PUDP: variants seen among roughly 807,000 people sequenced by gnomAD.
PUDP encodes pseudouridine-5'-phosphatase.
In PUDP, 8 loss-of-function variants were observed where a neutral mutation model predicts 9.4. The observed-to-expected ratio is 0.85, with a 90% CI of 0.50 to 1.53. The LOEUF is 1.53. Among genes scored for constraint, PUDP ranks in the 40% most tolerant of loss-of-function variants. The pLI is 0.00. For synonymous variants in PUDP, 99 were observed against 80.7 expected (o/e 1.23, Z -1.22); for missense variants, 188 against 189.7 (o/e 0.99, Z 0.05).
chrX:6,719,795 A>G (rs1317037114), intron 1 of PUDP, among the ~76,000 whole-genome samples: 1 of 112,135 alleles, frequency 8.9e-6, no homozygotes, highest in African/African-American at 3.2e-5. Flanking sequence ...AATTTTCTCA[A>G]TTAATATTCT....
intron 3 of PUDP, among the ~76,000 whole-genome samples, chrX:6,926,142 G>A (rs1046769196): frequency 5.4e-5 from 6 of 111,675 alleles, no homozygotes; most frequent in Non-Finnish European, 9.4e-5. Context: ...CATTCAGTTG[G>A]TGGGGGACTT....
chrX:7,058,231 T>C (rs955750430), intron 3 of PUDP, among the ~76,000 whole-genome samples: 8 of 112,370 alleles, frequency 7.1e-5, no homozygotes, highest in African/African-American at 1.3e-4. Context: ...ATGTGCTTCA[T>C]TGGAACTAGT....
At chrX:6,795,736 C>G (rs1208202190) in intron 3 of PUDP, among the ~76,000 whole-genome samples, 1 of 111,741 alleles carries the variant, frequency 8.9e-6, no homozygotes, top group Non-Finnish European at 1.9e-5. Flanking sequence ...GTCAGCACCT[C>G]TGGTTGCAAT....
chrX:7,015,901 T>C (rs190565078), intron 1 of PUDP, among the ~76,000 whole-genome samples: 2 of 110,736 alleles, frequency 1.8e-5, no homozygotes, highest in East Asian at 5.7e-4. Context: ...ATGGCCAGTT[T>C]TTACACAGGA....
At chrX:7,057,821 G>A in intron 3 of PUDP, 1 of 1,141,127 alleles carries the variant, frequency 8.8e-7, no homozygotes, top group Non-Finnish European at 1.2e-6. Context: ...TATGGATGGA[G>A]CTCTAGGTAC....
chrX:7,035,870 G>A (rs1331545737), intron 1 of PUDP, among the ~76,000 whole-genome samples: 3 of 111,722 alleles, frequency 2.7e-5, no homozygotes, highest in African/African-American at 9.8e-5. Context: ...AGCTGTTTGG[G>A]TCATGGGGAC....
downstream of PUDP, chrX:7,048,770 C>T (rs1260582480): frequency 8.9e-6 from 1 of 112,218 alleles, no homozygotes; most frequent in African/African-American, 3.2e-5. Context: ...AGGAGCAGGA[C>T]GGCTCACTTA....
intron 1 of PUDP, among the ~76,000 whole-genome samples, chrX:7,036,335 A>G (rs4011473): frequency 8.9e-6 from 1 of 111,736 alleles, no homozygotes; most frequent in East Asian, 2.8e-4. Context: ...ATTTATTGGG[A>G]TATTTGTTAA....
chrX:6,836,377 T>C (rs1926582954), intron 3 of PUDP, among the ~76,000 whole-genome samples: 1 of 112,049 alleles, frequency 8.9e-6, no homozygotes, highest in South Asian at 3.7e-4. Flanking sequence ...CTCACTGGTT[T>C]AAAATGAAGG....
intron 1 of PUDP, among the ~76,000 whole-genome samples, chrX:7,017,678 C>T (rs1463354081): frequency 1.8e-5 from 2 of 112,146 alleles, no homozygotes; most frequent in Non-Finnish European, 3.8e-5. Context: ...CTCATGCCCA[C>T]CTGCATACAC....
intron 3 of PUDP, among the ~76,000 whole-genome samples, chrX:6,882,945 C>G (rs12686933): frequency 0.092 from 10,241 of 111,043 alleles, 603 homozygotes; most frequent in East Asian, 0.46. Context: ...ATCCTGTGGA[C>G]AGAGGGTGTT....
chrX:7,045,184 T>C (rs1929968873), downstream of PUDP, among the ~76,000 whole-genome samples: 1 of 112,535 alleles, frequency 8.9e-6, no homozygotes, highest in Non-Finnish European at 1.9e-5. Context: ...TTTCAGTCTC[T>C]GTCCTGCTGA....
At chrX:7,138,459 G>A (rs1370994908) in intron 1 of PUDP, among the ~76,000 whole-genome samples, 2 of 107,940 alleles carry the variant, frequency 1.9e-5, no homozygotes, top group Non-Finnish European at 3.8e-5. Flanking sequence ...TACAACCTCC[G>A]CCTCCCAGGC....
At chrX:6,964,031 A>C (rs1928745796) in intron 3 of PUDP, among the ~76,000 whole-genome samples, 1 of 112,170 alleles carries the variant, frequency 8.9e-6, no homozygotes, top group Admixed American at 9.5e-5. Flanking sequence ...TAGCACGCCT[A>C]TTCAGGGACT....
At chrX:7,064,177 C>T (rs1396037574) in intron 3 of PUDP, among the ~76,000 whole-genome samples, 1 of 111,213 alleles carries the variant, frequency 9.0e-6, no homozygotes, top group Non-Finnish European at 1.9e-5. Flanking sequence ...AAGAACAGAA[C>T]GTGAACAGAA....
rs149188571 is a variant in PUDP, at chrX:6,988,294, C to T, written c.205-9951G>A. Among the ~76,000 whole-genome samples the T allele has an allele frequency of 6.0e-3, 671 of 111,542 alleles. 3 individuals carry two copies. The highest frequency in any genetic ancestry group is 0.02 in the African/African-American group (599 of 30,672). On this transcript the variant is annotated intron_variant and NMD_transcript_variant, in intron 1 of 3. Coordinates refer to the PUDP transcript ENST00000655425. Reference sequence around the variant, plus strand: ...GGCTGGCTTTGGCTCTCTCCTATATCCCCAGCCCCTAAACATGCATATTCC... The same window carrying T: ...GGCTGGCTTTGGCTCTCTCCTATATTCCCAGCCCCTAAACATGCATATTCC...
chrX:6,878,289 T>A (rs903215898), intron 3 of PUDP, among the ~76,000 whole-genome samples: 1 of 111,784 alleles, frequency 8.9e-6, no homozygotes, highest in African/African-American at 3.2e-5. Flanking sequence ...TCTTCAGTTA[T>A]CATGAATAAC....
chrX:6,761,110 A>T (rs1022007077), intron 3 of PUDP, among the ~76,000 whole-genome samples: 1 of 111,877 alleles, frequency 8.9e-6, no homozygotes, highest in African/African-American at 3.3e-5. Context: ...ACCCCATAGC[A>T]TTGTTTAGAT....
chrX:6,912,251 G>A (rs1927860072), intron 3 of PUDP, among the ~76,000 whole-genome samples: 1 of 111,384 alleles, frequency 9.0e-6, no homozygotes, highest in Non-Finnish European at 1.9e-5. Context: ...TCTACAGTAG[G>A]TTTAAGATTT....
Sources: allele counts gnomAD v4.1 joint callset (sites outside exome capture counted in the v4.1 genomes callset), GRCh38; gene constraint gnomAD v4.1.1; transcripts MANE v1.5; gene names NCBI Gene and HGNC (gene_info 2026-07-23, HGNC 2026-07-21).